Variants in ZNF638 observed in about 807,000 individuals in gnomAD.
The protein encoded by ZNF638 is zinc finger protein 638.
Under a neutral mutation model 195.6 loss-of-function variants are expected in ZNF638, and 46 were observed. That is an observed-to-expected ratio of 0.24 (90% CI 0.19 to 0.30). The LOEUF is 0.30. Among genes scored for constraint, ZNF638 ranks in the 10% least tolerant of loss-of-function variants. ZNF638 has a pLI of 1.00. For synonymous variants in ZNF638, 845 were observed against 772.0 expected (o/e 1.09, Z -1.57); for missense variants, 2,440 against 2,325.3 (o/e 1.05, Z -1.01).
chr2:71,333,556 T>C (rs932140785), intron 1 of ZNF638, among the ~76,000 whole-genome samples: 1 of 152,218 alleles, frequency 6.6e-6, no homozygotes, highest in Non-Finnish European at 1.5e-5. Flanking sequence ...CACTTTGTAC[T>C]TGACTATCTT....
chr2:71,377,312 G>T (rs2079448849), intron 8 of ZNF638, among the ~76,000 whole-genome samples: 1 of 152,088 alleles, frequency 6.6e-6, no homozygotes, highest in East Asian at 1.9e-4. Flanking sequence ...AACGCTTTCA[G>T]CCATGACATA....
intron 1 of ZNF638, 64 bp from the exon 2 acceptor site, chr2:71,348,689 G>A (rs911594222): frequency 1.4e-6 from 2 of 1,411,272 alleles, no homozygotes; most frequent in Non-Finnish European, 1.9e-6. Context: ...TACACTGGCT[G>A]TAGAACCCAC....
intron 1 of ZNF638, among the ~76,000 whole-genome samples, chr2:71,345,344 TTTAACC>T (rs1255531910): frequency 6.6e-6 from 1 of 152,182 alleles, no homozygotes; most frequent in African/African-American, 2.4e-5. Flanking sequence ...GCTTACTTTT[TTTAACC>T]ATTGAAGATA....
At position 71,427,251 on chromosome 2, in the gene ZNF638, A is replaced by G; in HGVS notation, c.5382A>G (p.Leu1794=). The G allele has an allele frequency of 6.2e-7, 1 of 1,613,604 alleles. No homozygotes were observed. Reference sequence around the variant, plus strand: ...GAGATAATGATTTAAAAGTTGAGTTAGCACAAAGCAAAAATGACCATCCCA... The same window carrying G: ...GAGATAATGATTTAAAAGTTGAGTTGGCACAAAGCAAAAATGACCATCCCA... ...EDGDNDLKVE[L]AQSKNDHPTD... Residue 1794 remains leucine (L), a synonymous_variant, in exon 24 of 28, where the codon TTA becomes TTG. Transcript: ENST00000264447.
intron 11 of ZNF638, among the ~76,000 whole-genome samples, chr2:71,396,501 G>T (rs534292126): frequency 6.6e-6 from 1 of 152,036 alleles, no homozygotes; most frequent in African/African-American, 2.4e-5. Flanking sequence ...ATGATCCTTT[G>T]TAGTTTTTGT....
Position 71,349,720 on chromosome 2 carries a change from A to C in ZNF638, c.766A>C (p.Asn256His), listed in dbSNP as rs776788163. ...CATTTCTGCATCTGTTCCCAATCCA[A>C]ATGTGATATGTAATTCTATGTTTCC... Reference protein sequence around the residue: ...QNISASVPNPNVICNSMFPVE... With the variant: ...QNISASVPNPHVICNSMFPVE... Residue 256 changes from asparagine to histidine, a missense_variant, in exon 2 of 28, where the codon AAT (asparagine) becomes CAT (histidine). By Grantham distance (68) the Asn-to-His change is moderately conservative (BLOSUM62 1). Coordinates refer to ENST00000264447, the MANE Select transcript of ZNF638 (RefSeq NM_014497.5). The C allele has an allele frequency of 1.2e-6, 2 of 1,614,020 alleles. No homozygotes were observed. The highest frequency in any genetic ancestry group is 1.7e-6 in the Non-Finnish European group (2 of 1,180,028).
At chr2:71,433,341 T>G (rs187446691) in intron 27 of ZNF638, 58 bp downstream of exon 27, 1 of 1,223,758 alleles carries the variant, frequency 8.2e-7, no homozygotes, top group African/African-American at 1.5e-5. Flanking sequence ...AGAATCAAAT[T>G]ATTTATCTCC....
chr2:71,332,907 G>A (rs1057122650), intron 1 of ZNF638: 59 of 152,264 alleles, frequency 3.9e-4, no homozygotes, highest in Admixed American at 3.5e-3. Flanking sequence ...AGGATCCAGC[G>A]ATTTATGTTC....
chr2:71,425,801 C>T (rs2080527408), intron 23 of ZNF638, among the ~76,000 whole-genome samples: 1 of 152,058 alleles, frequency 6.6e-6, no homozygotes, highest in African/African-American at 2.4e-5. Flanking sequence ...TCCCGAGTAG[C>T]TGGGTGGCAT....
At chr2:71,396,695 A>G (rs901742198) in intron 11 of ZNF638, among the ~76,000 whole-genome samples, 8 of 152,194 alleles carry the variant, frequency 5.3e-5, no homozygotes, top group African/African-American at 1.9e-4. Flanking sequence ...CTATAATCCC[A>G]TCACTTTGGG....
chr2:71,388,705 C>A, intron 10 of ZNF638: 1 of 1,178,390 alleles, frequency 8.5e-7, no homozygotes, highest in Non-Finnish European at 1.3e-6. Context: ...AAAATGAAGG[C>A]GAAGAGACTG....
Position 71,365,419 on chromosome 2 carries a change from T to C in ZNF638, c.1718-10T>C. 1 of 1,563,794 alleles carries C rather than the reference T, an allele frequency of 6.4e-7. No individual in the cohort carries two copies. The highest frequency in any genetic ancestry group is 1.4e-5 in the African/African-American group (1 of 71,580). ...TTCCAATTGAAATTATATTTATATC[T>C]TTTTACTAGATAGAAAAAAAGCATT... On this transcript the variant is annotated splice_polypyrimidine_tract_variant and intron_variant, in intron 5 of 27. Transcript: ENST00000264447.
chr2:71,411,035 T>C (rs937838289), intron 20 of ZNF638, among the ~76,000 whole-genome samples: 5 of 134,770 alleles, frequency 3.7e-5, no homozygotes, highest in African/African-American at 1.1e-4. Context: ...CCTGGCTCTG[T>C]TGTCCAGGCT....
At chr2:71,350,340 G>A in intron 2 of ZNF638, 69 bp downstream of exon 2, 1 of 1,453,754 alleles carries the variant, frequency 6.9e-7, no homozygotes, top group Non-Finnish European at 9.3e-7. Context: ...ATTCTGATAT[G>A]TATGCTGCTT....
intron 23 of ZNF638, 79 bp from the exon 24 acceptor site, chr2:71,426,381 C>T (rs759231967): frequency 9.8e-7 from 1 of 1,022,114 alleles, no homozygotes; most frequent in African/African-American, 1.6e-5. Context: ...GATCTGCATG[C>T]ACATTTATTG....
chr2:71,403,708 T>C (rs2080050604), intron 16 of ZNF638, 162 bp from the exon 17 acceptor site: 1 of 457,716 alleles, frequency 2.2e-6, no homozygotes, highest in Non-Finnish European at 3.8e-6. Context: ...TCTTAGTCTT[T>C]GGGCCTCAAT....
At chr2:71,340,803 A>G (rs1474739447) in intron 1 of ZNF638, among the ~76,000 whole-genome samples, 1 of 152,184 alleles carries the variant, frequency 6.6e-6, no homozygotes, top group Non-Finnish European at 1.5e-5. Context: ...AGATGTTGTA[A>G]TCTTGTTACT....
intron 8 of ZNF638, among the ~76,000 whole-genome samples, chr2:71,372,653 G>A (rs2079335171): frequency 6.6e-6 from 1 of 152,192 alleles, no homozygotes; most frequent in South Asian, 2.1e-4. Flanking sequence ...TCTGTGTGCA[G>A]ATAGTCGTTA....
At chr2:71,433,432 A>G (rs112499869) in intron 27 of ZNF638, 149 bp downstream of exon 27, 13 of 603,580 alleles carry the variant, frequency 2.2e-5, no homozygotes, top group Middle Eastern at 9.0e-4. Flanking sequence ...CCTTCAGTGT[A>G]CCTTGCCTGT....
Sources: allele counts gnomAD v4.1 joint callset (sites outside exome capture counted in the v4.1 genomes callset), GRCh38; gene constraint gnomAD v4.1.1; transcripts MANE v1.5; gene names NCBI Gene and HGNC (gene_info 2026-07-23, HGNC 2026-07-21).